Variants in ARL15 observed in about 807,000 individuals in gnomAD.
ARL15 encodes ADP-ribosylation factor-like protein 15.
In ARL15, 19 loss-of-function variants were observed where a neutral mutation model predicts 25.2. That is an observed-to-expected ratio of 0.75 (90% CI 0.53 to 1.10). ARL15 has a LOEUF of 1.10. Among genes scored for constraint, ARL15 ranks in the 50% least tolerant of loss-of-function variants. ARL15 has a pLI of 0.00. For synonymous variants in ARL15, 94 were observed against 86.8 expected, an observed-to-expected ratio of 1.08 and a Z score of -0.46; for missense variants, 220 against 246.0, an observed-to-expected ratio of 0.89 and a Z score of 0.71.
At chr5:54,216,304 C>T (rs1196073178) in intron 1 of ARL15, among the ~76,000 whole-genome samples, 1 of 152,156 alleles carries the variant, frequency 6.6e-6, no homozygotes, top group Non-Finnish European at 1.5e-5. Flanking sequence ...TTCATCCTCA[C>T]CACCCTGTGA....
intron 4 of ARL15, among the ~76,000 whole-genome samples, chr5:53,977,090 G>T (rs951129230): frequency 3.3e-5 from 5 of 152,192 alleles, no homozygotes; most frequent in Non-Finnish European, 7.3e-5. Context: ...AAGGTGCGGT[G>T]GCTCACGCCT....
intron 4 of ARL15, among the ~76,000 whole-genome samples, chr5:53,966,874 T>C (rs923399204): frequency 1.3e-5 from 2 of 152,194 alleles, no homozygotes; most frequent in African/African-American, 4.8e-5. Context: ...AAACTAGATG[T>C]ACAAGTACAG....
intron 4 of ARL15, among the ~76,000 whole-genome samples, chr5:53,917,435 T>C (rs1979646): frequency 0.93 from 141,842 of 152,182 alleles, 66,657 homozygotes; most frequent in Non-Finnish European, 1. Flanking sequence ...AAATTGAGAA[T>C]GTTCCCTCAA....
At chr5:54,172,067 G>C (rs1754736714) in intron 1 of ARL15, 139 bp from the exon 2 acceptor site, 2 of 1,040,210 alleles carry the variant, frequency 1.9e-6, no homozygotes, top group East Asian at 2.7e-5. Flanking sequence ...GGTAACTTTA[G>C]AACAGTGAAA....
chr5:54,137,048 CTT>C (rs879572324), intron 3 of ARL15, among the ~76,000 whole-genome samples: 79 of 140,532 alleles, frequency 5.6e-4, no homozygotes, highest in Non-Finnish European at 5.8e-4. Context: ...AGTAGATAAC[CTT>C]TTTTTTTTTT....
intron 3 of ARL15, among the ~76,000 whole-genome samples, chr5:54,152,952 T>C: frequency 6.6e-6 from 1 of 152,242 alleles, no homozygotes; most frequent in Non-Finnish European, 1.5e-5. Context: ...TTTTTAAAAC[T>C]GTCCACATAC....
intron 4 of ARL15, among the ~76,000 whole-genome samples, chr5:53,947,869 G>T (rs906419237): frequency 6.6e-6 from 1 of 152,086 alleles, no homozygotes; most frequent in Non-Finnish European, 1.5e-5. Context: ...ATGAAAGAAA[G>T]GGGGAGGGCT....
chr5:54,138,103 C>T (rs532954653), intron 3 of ARL15, among the ~76,000 whole-genome samples: 56 of 152,234 alleles, frequency 3.7e-4, no homozygotes, highest in African/African-American at 1.3e-3. Context: ...CTACAAATTA[C>T]TTAATAAGAG....
At chr5:53,889,493 G>T (rs964642259) in intron 4 of ARL15, among the ~76,000 whole-genome samples, 6 of 152,200 alleles carry the variant, frequency 3.9e-5, no homozygotes, top group Admixed American at 3.9e-4. Context: ...GGACAGAGTG[G>T]TCAGCAGATA....
At chr5:54,280,349 A>G (rs1056608305) in intron 1 of ARL15, among the ~76,000 whole-genome samples, 4 of 152,280 alleles carry the variant, frequency 2.6e-5, no homozygotes, top group Non-Finnish European at 5.9e-5. Flanking sequence ...AAACATGTTT[A>G]GCTTTCAAGT....
chr5:53,915,190 C>G (rs949778324), intron 4 of ARL15, among the ~76,000 whole-genome samples: 2 of 152,204 alleles, frequency 1.3e-5, no homozygotes, highest in African/African-American at 4.8e-5. Context: ...ACAGAGCTGA[C>G]CAAACCAAAC....
At chr5:54,070,405 T>C (rs1292826563) in intron 4 of ARL15, among the ~76,000 whole-genome samples, 2 of 149,140 alleles carry the variant, frequency 1.3e-5, no homozygotes, top group Non-Finnish European at 3.0e-5. Flanking sequence ...AAAAAAAAAG[T>C]TGGTTTGGCT....
At chr5:54,127,574 A>G (rs1291235801) in intron 3 of ARL15, among the ~76,000 whole-genome samples, 2 of 150,882 alleles carry the variant, frequency 1.3e-5, no homozygotes, top group African/African-American at 2.4e-5. Context: ...AATCAATATC[A>G]TGAAAATGGC....
At chr5:53,948,577 T>C (rs149514923) in intron 4 of ARL15, among the ~76,000 whole-genome samples, 17 of 152,360 alleles carry the variant, frequency 1.1e-4, no homozygotes, top group African/African-American at 3.6e-4. Flanking sequence ...GTTTATGCTG[T>C]TGGAGCCTTT....
intron 4 of ARL15, among the ~76,000 whole-genome samples, chr5:53,971,766 AG>A (rs1229655708): frequency 6.6e-6 from 1 of 152,196 alleles, no homozygotes; most frequent in Non-Finnish European, 1.5e-5. Context: ...GAGGCCAGAA[AG>A]GGAAGATTTG....
At chr5:53,982,795 C>T (rs1380716769) in intron 4 of ARL15, among the ~76,000 whole-genome samples, 2 of 152,208 alleles carry the variant, frequency 1.3e-5, no homozygotes, top group African/African-American at 2.4e-5. Context: ...AATTTACACT[C>T]CCACCAACAG....
At chr5:54,126,842 T>TTTTTA (rs1247949974) in intron 3 of ARL15, among the ~76,000 whole-genome samples, 1 of 151,718 alleles carries the variant, frequency 6.6e-6, no homozygotes, top group Admixed American at 6.6e-5. Flanking sequence ...TTTTAATTTA[T>TTTTTA]TTTTATTTTA....
chr5:54,034,206 CGTT>C (rs375179648), intron 4 of ARL15, among the ~76,000 whole-genome samples: 21 of 152,288 alleles, frequency 1.4e-4, no homozygotes, highest in African/African-American at 4.3e-4. Context: ...AGCATTAAGA[CGTT>C]CCCATTGTTT....
chr5:54,162,854 G>A (rs189884883), intron 2 of ARL15, among the ~76,000 whole-genome samples: 59 of 152,216 alleles, frequency 3.9e-4, no homozygotes, highest in African/African-American at 1.3e-3. Context: ...CAGCAAGTAC[G>A]TTTTTATTTA....
Sources: allele counts gnomAD v4.1 joint callset (sites outside exome capture counted in the v4.1 genomes callset), GRCh38; gene constraint gnomAD v4.1.1; transcripts MANE v1.5; gene names NCBI Gene and HGNC (gene_info 2026-07-23, HGNC 2026-07-21).